Variants in CSMD3 observed in about 807,000 individuals in gnomAD.
The protein encoded by CSMD3 is CUB and Sushi multiple domains 3.
CSMD3 carries 177 observed loss-of-function variants against 435.2 expected under a neutral mutation model. The observed-to-expected ratio is 0.41, with a 90% CI of 0.36 to 0.46. The LOEUF is 0.46. Ranked by LOEUF, CSMD3 falls within the 20% of genes least tolerant of loss-of-function variation. The pLI is 0.34. For missense variants in CSMD3, 4,265 were observed against 4,504.6 expected, an observed-to-expected ratio of 0.95 and a Z score of 1.52; for synonymous variants, 1,656 against 1,520.5, an observed-to-expected ratio of 1.09 and a Z score of -2.07.
chr8:112,856,620 G>C (rs886652540), intron 11 of CSMD3, among the ~76,000 whole-genome samples: 1 of 151,696 alleles, frequency 6.6e-6, no homozygotes, highest in Non-Finnish European at 1.5e-5. Flanking sequence ...GACTGTGGCT[G>C]GGCTCTCATA....
intron 3 of CSMD3, among the ~76,000 whole-genome samples, chr8:113,235,931 A>G (rs1159692184): frequency 6.6e-6 from 1 of 152,138 alleles, no homozygotes; most frequent in Non-Finnish European, 1.5e-5. Flanking sequence ...GGCCCAGGAA[A>G]GAACAAAAGC....
At chr8:112,491,147 T>C (rs1004189890) in intron 31 of CSMD3, among the ~76,000 whole-genome samples, 3 of 152,168 alleles carry the variant, frequency 2.0e-5, no homozygotes, top group African/African-American at 7.2e-5. Flanking sequence ...GTAATTCTTA[T>C]AAGTGAATAC....
intron 3 of CSMD3, among the ~76,000 whole-genome samples, chr8:113,210,412 A>G (rs1187721009): frequency 6.6e-6 from 1 of 152,098 alleles, no homozygotes; most frequent in Non-Finnish European, 1.5e-5. Flanking sequence ...TAGAATACAT[A>G]TAGAATCTAT....
chr8:113,130,317 G>A (rs2091252640), intron 4 of CSMD3, among the ~76,000 whole-genome samples: 1 of 152,128 alleles, frequency 6.6e-6, no homozygotes, highest in South Asian at 2.1e-4. Context: ...GTCGAATTGA[G>A]GGAGGCACCT....
At chr8:112,985,956 G>A (rs1035457478) in intron 6 of CSMD3, among the ~76,000 whole-genome samples, 2 of 152,000 alleles carry the variant, frequency 1.3e-5, no homozygotes, top group Non-Finnish European at 2.9e-5. Context: ...AATGTGCTTG[G>A]ATCATCCAGA....
chr8:112,642,735 T>A (rs991242739), intron 20 of CSMD3, among the ~76,000 whole-genome samples: 1 of 151,952 alleles, frequency 6.6e-6, no homozygotes, highest in African/African-American at 2.4e-5. Context: ...AAAAAAGCAA[T>A]TGCATAATTA....
At chr8:112,968,896 G>A (rs1359369359) in intron 7 of CSMD3, among the ~76,000 whole-genome samples, 1 of 151,860 alleles carries the variant, frequency 6.6e-6, no homozygotes, top group Non-Finnish European at 1.5e-5. Flanking sequence ...TGCTTATTAA[G>A]ATTTTAAAAA....
chr8:112,363,208 T>C (rs2131131265), intron 38 of CSMD3, among the ~76,000 whole-genome samples: 1 of 152,114 alleles, frequency 6.6e-6, no homozygotes. Flanking sequence ...ACAGTCATAT[T>C]ATGATACTTA....
At chr8:112,855,670 T>C (rs941221778) in intron 11 of CSMD3, among the ~76,000 whole-genome samples, 2 of 152,118 alleles carry the variant, frequency 1.3e-5, no homozygotes, top group Non-Finnish European at 2.9e-5. Context: ...ATATATAACA[T>C]ACATACCTGT....
intron 3 of CSMD3, among the ~76,000 whole-genome samples, chr8:113,249,906 G>C (rs1230377777): frequency 1.3e-5 from 2 of 151,948 alleles, no homozygotes; most frequent in Non-Finnish European, 2.9e-5. Context: ...CTGGGGAACA[G>C]TTCTATAAAT....
intron 31 of CSMD3, among the ~76,000 whole-genome samples, chr8:112,475,302 C>T (rs1818933989): frequency 1.3e-5 from 2 of 152,040 alleles, no homozygotes; most frequent in South Asian, 4.1e-4. Flanking sequence ...GTATAACTGA[C>T]ATTTAGGACA....
intron 13 of CSMD3, among the ~76,000 whole-genome samples, chr8:112,731,025 A>G (rs190946013): frequency 8.5e-4 from 129 of 152,212 alleles, no homozygotes; most frequent in Middle Eastern, 3.4e-3. Flanking sequence ...GGTTTCTCTG[A>G]CCCTTTAATT....
chr8:112,279,643 G>A (rs1818437391), intron 59 of CSMD3, among the ~76,000 whole-genome samples: 1 of 152,002 alleles, frequency 6.6e-6, no homozygotes, highest in Non-Finnish European at 1.5e-5. Context: ...TGTTCCTACT[G>A]CCTTCCCTTT....
intron 5 of CSMD3, among the ~76,000 whole-genome samples, chr8:113,058,475 G>T (rs2088450295): frequency 6.6e-6 from 1 of 151,800 alleles, no homozygotes; most frequent in Non-Finnish European, 1.5e-5. Flanking sequence ...ATGTAGGATA[G>T]TACAGAAAAA....
At chr8:112,641,501 T>A (rs1419991968) in intron 20 of CSMD3, among the ~76,000 whole-genome samples, 1 of 152,132 alleles carries the variant, frequency 6.6e-6, no homozygotes, top group Non-Finnish European at 1.5e-5. Flanking sequence ...AGGTAACTAA[T>A]TTGTCAAAGG....
intron 1 of CSMD3, among the ~76,000 whole-genome samples, chr8:113,360,025 GT>G: frequency 6.6e-6 from 1 of 152,160 alleles, no homozygotes; most frequent in Non-Finnish European, 1.5e-5. Context: ...TGAGGAGAGG[GT>G]TTTATTACAA....
intron 1 of CSMD3, chr8:113,376,894 G>A: frequency 6.2e-7 from 1 of 1,600,662 alleles, no homozygotes; most frequent in Non-Finnish European, 8.5e-7. Flanking sequence ...TCCTGGCCGG[G>A]AAAACAAAAC....
intron 1 of CSMD3, among the ~76,000 whole-genome samples, chr8:113,413,918 T>G (rs886785523): frequency 1.3e-5 from 2 of 152,190 alleles, no homozygotes; most frequent in Admixed American, 6.5e-5. Context: ...ACTGAATGTT[T>G]TTCAAGTGAA....
At chr8:112,545,494 A>T (rs1296503000) in intron 27 of CSMD3, among the ~76,000 whole-genome samples, 81 of 143,132 alleles carry the variant, frequency 5.7e-4, no homozygotes, top group Non-Finnish European at 9.9e-4. Flanking sequence ...AAAAAAAAAA[A>T]AAAAAAAAAT....
Sources: allele counts gnomAD v4.1 joint callset (sites outside exome capture counted in the v4.1 genomes callset), GRCh38; gene constraint gnomAD v4.1.1; transcripts MANE v1.5; gene names NCBI Gene and HGNC (gene_info 2026-07-23, HGNC 2026-07-21).